The following CDH18 variants were observed in gnomAD, a reference collection of about 807,000 sequenced individuals.
CDH18 encodes cadherin 18, also known as cadherin-18.
Under a neutral mutation model 67.9 loss-of-function variants are expected in CDH18, and 31 were observed. That is an observed-to-expected ratio of 0.46 (90% CI 0.34 to 0.62). The LOEUF is 0.62. Among genes scored for constraint, CDH18 ranks in the 20% least tolerant of loss-of-function variants. The pLI is 0.01. For synonymous variants in CDH18, 362 were observed against 347.2 expected (o/e 1.04, Z -0.48); for missense variants, 890 against 975.5 (o/e 0.91, Z 1.17).
At chr5:20,574,177 AG>A (rs1758985348) in intron 1 of CDH18, among the ~76,000 whole-genome samples, 1 of 151,790 alleles carries the variant, frequency 6.6e-6, no homozygotes, top group South Asian at 2.1e-4. Flanking sequence ...CGCATTTAGA[AG>A]ACAAAATGAA....
intron 5 of CDH18, among the ~76,000 whole-genome samples, chr5:19,657,602 T>C (rs1467105500): frequency 6.6e-6 from 1 of 151,716 alleles, no homozygotes; most frequent in Non-Finnish European, 1.5e-5. Flanking sequence ...TAAAGTTTCA[T>C]TTTTTTAATT....
chr5:19,567,637 AT>A (rs767024905), intron 8 of CDH18, among the ~76,000 whole-genome samples: 4 of 152,154 alleles, frequency 2.6e-5, no homozygotes, highest in Non-Finnish European at 4.4e-5. Flanking sequence ...ACACATTTTT[AT>A]TAAAATCAAG....
At chr5:20,509,141 C>CA (rs1331297019) in intron 1 of CDH18, among the ~76,000 whole-genome samples, 1 of 152,116 alleles carries the variant, frequency 6.6e-6, no homozygotes, top group Non-Finnish European at 1.5e-5. Context: ...ATATACAATA[C>CA]ATTGTTATCA....
rs955973836 is a variant in CDH18 at position 19,550,146 on chromosome 5, A to G, written c.1254-6141T>C. 5.3e-5 allele frequency among the ~76,000 whole-genome samples: 8 copies of G among 151,370 alleles called. No homozygotes were observed. In the South Asian group the frequency reaches 8.4e-4, roughly 16 times the overall value. On this transcript the variant is annotated intron_variant, in intron 8 of 12. Coordinates refer to ENST00000382275, the MANE Select transcript of CDH18 (RefSeq NM_004934.5). ...TGGCTGCTAGACTAGAAAAAGAGAG[A>G]AAAAAAAAGAAAGAAAAAAGCTTCA...
At chr5:19,554,170 T>C (rs1298616060) in intron 8 of CDH18, among the ~76,000 whole-genome samples, 5 of 152,192 alleles carry the variant, frequency 3.3e-5, no homozygotes, top group African/African-American at 1.2e-4. Context: ...TTGCGGATAC[T>C]TTTTAACCTC....
chr5:19,541,196 A>G (rs1230317821), intron 9 of CDH18, among the ~76,000 whole-genome samples: 12 of 152,130 alleles, frequency 7.9e-5, no homozygotes, highest in Non-Finnish European at 5.9e-5. Context: ...CCTGATCTCC[A>G]TCTGAGATCA....
chr5:20,550,845 T>G (rs571873046), intron 1 of CDH18, among the ~76,000 whole-genome samples: 51 of 152,320 alleles, frequency 3.3e-4, no homozygotes, highest in Non-Finnish European at 6.0e-4. Flanking sequence ...CATCTGCTTC[T>G]GATGAAAGCC....
chr5:19,745,603 C>T (rs1412540940), intron 4 of CDH18, among the ~76,000 whole-genome samples: 2 of 152,128 alleles, frequency 1.3e-5, no homozygotes, highest in African/African-American at 2.4e-5. Context: ...TCTCACCCAC[C>T]AGGGTTAAAA....
chr5:20,065,181 T>A, intron 2 of CDH18, among the ~76,000 whole-genome samples: 1 of 151,974 alleles, frequency 6.6e-6, no homozygotes, highest in Admixed American at 6.6e-5. Flanking sequence ...AAGTTAAGTT[T>A]AAAAAAATGG....
At chr5:20,508,888 TAAC>T (rs1301433131) in intron 1 of CDH18, among the ~76,000 whole-genome samples, 35 of 152,252 alleles carry the variant, frequency 2.3e-4, no homozygotes, top group Middle Eastern at 3.4e-3. Flanking sequence ...AATAGAAACT[TAAC>T]TACCTAAAAA....
intron 7 of CDH18, among the ~76,000 whole-genome samples, chr5:19,580,549 C>T (rs1743074253): frequency 6.6e-6 from 1 of 151,968 alleles, no homozygotes; most frequent in African/African-American, 2.4e-5. Flanking sequence ...GGTGCTATTA[C>T]ATGGTTTAGA....
chr5:19,536,322 G>A (rs1332030140), intron 9 of CDH18, among the ~76,000 whole-genome samples: 1 of 152,198 alleles, frequency 6.6e-6, no homozygotes, highest in African/African-American at 2.4e-5. Flanking sequence ...ATTTGAAACA[G>A]TTCTTACCAG....
At position 19,486,200 on chromosome 5, in the gene CDH18, C is replaced by T. The variant is rs139802161; in HGVS notation, c.1631-2648G>A. 5.6e-3 allele frequency among the ~76,000 whole-genome samples: 844 copies of T among 150,714 alleles called. 2 individuals carry two copies. The highest frequency in any genetic ancestry group is 8.9e-3 in the Non-Finnish European group (604 of 67,698). On this transcript the variant is annotated intron_variant, in intron 11 of 12. Transcript: ENST00000382275. ...TATTCTGTACCTCACCGGAACAGTA[C>T]AAAATGTACTTGGCAGAAGGCTCAC...
chr5:20,496,956 G>A (rs1013099440), intron 1 of CDH18, among the ~76,000 whole-genome samples: 2 of 152,046 alleles, frequency 1.3e-5, no homozygotes, highest in South Asian at 2.1e-4. Flanking sequence ...GGAGCTGTGG[G>A]TGCTAGTGGA....
chr5:20,402,778 G>C (rs1243381713), intron 1 of CDH18, among the ~76,000 whole-genome samples: 2 of 152,130 alleles, frequency 1.3e-5, no homozygotes, highest in Non-Finnish European at 2.9e-5. Context: ...TGGCTGTGCA[G>C]TTTCTTAAAA....
chr5:19,661,535 A>G (rs1757179302), intron 5 of CDH18, among the ~76,000 whole-genome samples: 1 of 152,004 alleles, frequency 6.6e-6, no homozygotes, highest in African/African-American at 2.4e-5. Flanking sequence ...GGGTATATGC[A>G]AACAAAGATA....
intron 2 of CDH18, among the ~76,000 whole-genome samples, chr5:20,042,889 G>A (rs1740565346): frequency 6.6e-6 from 1 of 151,982 alleles, no homozygotes; most frequent in Non-Finnish European, 1.5e-5. Context: ...GTGAACCCGG[G>A]AGGCAGAGCT....
intron 1 of CDH18, among the ~76,000 whole-genome samples, chr5:20,566,360 C>CTTTTTTTTTTTTTTTTT (rs529048391): frequency 8.4e-6 from 1 of 119,268 alleles, no homozygotes; most frequent in Non-Finnish European, 1.7e-5. Flanking sequence ...TTTTCTTTTT[C>CTTTTTTTTTTTTTTTTT]TTTTTTTTTT....
At chr5:20,112,123 C>G (rs1304336732) in intron 2 of CDH18, among the ~76,000 whole-genome samples, 1 of 152,078 alleles carries the variant, frequency 6.6e-6, no homozygotes, top group Non-Finnish European at 1.5e-5. Flanking sequence ...CATATATTTC[C>G]TTAACTTTGG....
Sources: gnomAD v4.1 joint callset for allele counts (sites outside exome capture counted in the v4.1 genomes callset) on GRCh38, gnomAD v4.1.1 for gene constraint, MANE v1.5 for transcripts, NCBI Gene and HGNC (gene_info 2026-07-23, HGNC 2026-07-21) for gene names.